Variants in CCSER1 observed in about 807,000 individuals in gnomAD.
CCSER1 encodes serine-rich coiled-coil domain-containing protein 1.
Under a neutral mutation model 82.0 loss-of-function variants are expected in CCSER1, and 41 were observed. That is an observed-to-expected ratio of 0.50 (90% CI 0.39 to 0.65). The LOEUF (loss-of-function observed/expected upper bound fraction) is 0.65. Ranked by LOEUF, CCSER1 falls within the 30% of genes least tolerant of loss-of-function variation. The pLI is 0.00. For missense variants in CCSER1, 1,119 were observed against 1,064.2 expected (o/e 1.05, Z -0.72); for synonymous variants, 414 against 383.9 (o/e 1.08, Z -0.92).
chr4:90,708,092 A>G (rs1361058883), intron 6 of CCSER1, among the ~76,000 whole-genome samples: 1 of 152,156 alleles, frequency 6.6e-6, no homozygotes, highest in African/African-American at 2.4e-5. Context: ...TGTTTTAGCT[A>G]AAGCTACCTG....
intron 3 of CCSER1, among the ~76,000 whole-genome samples, chr4:90,358,100 A>G (rs1422950460): frequency 1.3e-5 from 2 of 152,104 alleles, no homozygotes; most frequent in South Asian, 2.1e-4. Context: ...AAGTGTAACT[A>G]TAAGGAAAAT....
At chr4:90,206,580 C>G (rs893898069) in intron 1 of CCSER1, among the ~76,000 whole-genome samples, 15 of 152,062 alleles carry the variant, frequency 9.9e-5, no homozygotes, top group African/African-American at 3.6e-4. Flanking sequence ...GATTTCCATT[C>G]TTTTGCATTT....
Position 90,774,671 on chromosome 4 carries a change from G to A in CCSER1, c.2011-41091G>A, listed in dbSNP as rs144285126. Among the ~76,000 whole-genome samples, 242 of 152,074 alleles carry A rather than the reference G, an allele frequency of 1.6e-3. 1 individual carries two copies. Among genetic ancestry groups the A allele is most frequent in the African/African-American group, 5.7e-3 (235 of 41,520 alleles). On this transcript the variant is annotated intron_variant, in intron 7 of 10. Transcript: ENST00000509176. ...TAATACCTTCCTTGTTCATTATTAA[G>A]TGCTGTTAGCCATACTGTCTAATGA... is the stretch of plus-strand genomic sequence containing the variant.
chr4:90,205,964 G>T (rs1344963291), intron 1 of CCSER1, among the ~76,000 whole-genome samples: 1 of 152,040 alleles, frequency 6.6e-6, no homozygotes, highest in Non-Finnish European at 1.5e-5. Context: ...ATTTTTTCTA[G>T]ATTTTCTAGT....
intron 6 of CCSER1, among the ~76,000 whole-genome samples, chr4:90,715,146 CT>C (rs1741391627): frequency 6.6e-6 from 1 of 151,902 alleles, no homozygotes; most frequent in South Asian, 2.1e-4. Flanking sequence ...AAGCAAAGAA[CT>C]TTATAAATAG....
Position 90,709,615 on chromosome 4 carries a change from C to T in CCSER1, c.1933-14299C>T, listed in dbSNP as rs187491931. Among the ~76,000 whole-genome samples the T allele has an allele frequency of 5.3e-5, 8 of 152,168 alleles. No homozygotes were observed. In the East Asian group the frequency reaches 7.7e-4, roughly 15 times the overall value. ...CATGTCCATGTAAAGGGCATGATCC[C>T]GTTCTTTTTTATGGCTGCATAGTAT... On this transcript the variant is annotated intron_variant, in intron 6 of 10. Transcript: ENST00000509176.
intron 4 of CCSER1, among the ~76,000 whole-genome samples, chr4:90,429,738 A>G (rs1758017629): frequency 6.6e-6 from 1 of 151,846 alleles, no homozygotes; most frequent in Admixed American, 6.6e-5. Flanking sequence ...ATAAAAATCA[A>G]CAATATATCA....
At chr4:90,675,088 C>A (rs985087472) in intron 6 of CCSER1, among the ~76,000 whole-genome samples, 1 of 151,950 alleles carries the variant, frequency 6.6e-6, no homozygotes, top group African/African-American at 2.4e-5. Context: ...GAACAAGTTA[C>A]CTCATCCTTT....
intron 10 of CCSER1, among the ~76,000 whole-genome samples, chr4:91,102,375 C>A (rs548305055): frequency 6.6e-6 from 1 of 152,120 alleles, no homozygotes; most frequent in Admixed American, 6.6e-5. Flanking sequence ...ATTGTAGCTT[C>A]GTACAGCAAG....
chr4:90,705,249 G>C (rs188690513), intron 6 of CCSER1, among the ~76,000 whole-genome samples: 29 of 152,338 alleles, frequency 1.9e-4, no homozygotes, highest in East Asian at 7.7e-4. Context: ...TCCAGACCCT[G>C]TTTGCCTGGG....
At chr4:90,893,106 C>T (rs1003304612) in intron 8 of CCSER1, among the ~76,000 whole-genome samples, 3 of 151,930 alleles carry the variant, frequency 2.0e-5, no homozygotes, top group Non-Finnish European at 4.4e-5. Flanking sequence ...GGAGAAAGAC[C>T]AAAGGCCAGA....
intron 7 of CCSER1, among the ~76,000 whole-genome samples, chr4:90,760,408 A>G (rs1350592278): frequency 6.6e-6 from 1 of 152,004 alleles, no homozygotes; most frequent in African/African-American, 2.4e-5. Context: ...TGTTAATTTT[A>G]TCTTGTCATT....
chr4:91,063,319 G>A (rs563225578), intron 9 of CCSER1, among the ~76,000 whole-genome samples: 11 of 152,148 alleles, frequency 7.2e-5, no homozygotes, highest in Non-Finnish European at 1.3e-4. Context: ...TGACACATAG[G>A]ATTAAATGAG....
At chr4:91,347,499 C>T (rs1361575715) in intron 10 of CCSER1, among the ~76,000 whole-genome samples, 1 of 151,182 alleles carries the variant, frequency 6.6e-6, no homozygotes, top group African/African-American at 2.4e-5. Context: ...TTTTTGCATC[C>T]ACAAAATGAC....
chr4:90,946,663 T>A (rs1407758927), intron 9 of CCSER1, among the ~76,000 whole-genome samples: 2 of 151,502 alleles, frequency 1.3e-5, no homozygotes, highest in Non-Finnish European at 2.9e-5. Flanking sequence ...GAGTAAATTA[T>A]GACCTAGAAA....
chr4:90,539,978 AGCAAAAGCATG>A (rs1472580827), intron 5 of CCSER1, among the ~76,000 whole-genome samples: 1 of 152,056 alleles, frequency 6.6e-6, no homozygotes, highest in Non-Finnish European at 1.5e-5. Flanking sequence ...GGGGAATAAA[AGCAAAAGCATG>A]GAAATGGCAA....
chr4:90,707,691 G>C (rs1233262276), intron 6 of CCSER1, among the ~76,000 whole-genome samples: 1 of 151,874 alleles, frequency 6.6e-6, no homozygotes, highest in Non-Finnish European at 1.5e-5. Context: ...CTTTGTAATG[G>C]TGCATTTGCC....
chr4:90,633,641 G>C (rs116181929), intron 6 of CCSER1, among the ~76,000 whole-genome samples: 1 of 151,810 alleles, frequency 6.6e-6, no homozygotes, highest in Non-Finnish European at 1.5e-5. Context: ...AGAGGAAAAG[G>C]ATAACTATAA....
At chr4:90,616,986 T>C (rs1203778530) in intron 5 of CCSER1, among the ~76,000 whole-genome samples, 1 of 152,146 alleles carries the variant, frequency 6.6e-6, no homozygotes, top group Non-Finnish European at 1.5e-5. Flanking sequence ...TGTTTTGCTG[T>C]GTGTATCCTG....
Sources: gnomAD v4.1 joint callset for allele counts (sites outside exome capture counted in the v4.1 genomes callset) on GRCh38, gnomAD v4.1.1 for gene constraint, MANE v1.5 for transcripts, NCBI Gene and HGNC (gene_info 2026-07-23, HGNC 2026-07-21) for gene names.